Variants in POTEJ observed in about 807,000 individuals in gnomAD.
POTEJ encodes POTE ankyrin domain family, member J.
A neutral mutation model predicts 69.0 loss-of-function variants in POTEJ; 11 were observed. The ratio of observed to expected loss-of-function variants is 0.16; its 90% CI spans 0.10 to 0.26. POTEJ has a LOEUF of 0.26. Among genes scored for constraint, POTEJ ranks in the 10% least tolerant of loss-of-function variants. POTEJ has a pLI of 1.00. For missense variants in POTEJ, 327 were observed against 1,045.5 expected, an observed-to-expected ratio of 0.31 and a Z score of 9.48; for synonymous variants, 117 against 381.1, an observed-to-expected ratio of 0.31 and a Z score of 8.07.
At chr2:130,643,335 A>G (rs1686460639) in intron 10 of POTEJ, among the ~76,000 whole-genome samples, 1 of 131,092 alleles carries the variant, frequency 7.6e-6, no homozygotes, top group Non-Finnish European at 1.7e-5. Context: ...ATCCTGTCCA[A>G]TGGTGAAACC....
Position 130,636,069 on chromosome 2 carries a change from A to G in POTEJ, c.1299-2550A>G, listed in dbSNP as rs562352739. On this transcript the variant is annotated intron_variant, in intron 9 of 14. Coordinates refer to ENST00000409602, the MANE Select transcript of POTEJ (RefSeq NM_001277083.2). ...GCTTCAGCCACACTGAATTCTTGCC[A>G]TCCTGTATCTACCCCTAGTGCTTAA... Among the ~76,000 whole-genome samples the G allele has an allele frequency of 6.2e-3, 887 of 143,704 alleles. 14 individuals carry two copies. Among genetic ancestry groups the G allele is most frequent in the South Asian group, 0.023 (111 of 4,768 alleles). The allele number at this position is 143,704 out of a possible 152,430, so 94.3% of individuals were successfully genotyped here. A position where few individuals can be genotyped will look rare whatever the true frequency, so the allele number is the denominator to read the frequency against.
At chr2:130,655,447 C>T (rs1240707985) in intron 14 of POTEJ, among the ~76,000 whole-genome samples, 1 of 152,258 alleles carries the variant, frequency 6.6e-6, no homozygotes, top group Non-Finnish European at 1.5e-5. Flanking sequence ...GGGTCAGAGG[C>T]CACATTGTGG....
Position 130,624,136 on chromosome 2 carries a change from T to G in POTEJ, c.1015+2T>G. 2 of 1,444,228 alleles carry G rather than the reference T, an allele frequency of 1.4e-6. No individual in the cohort carries two copies. The highest frequency in any genetic ancestry group is 1.9e-6 in the Non-Finnish European group (2 of 1,072,196). The allele number at this position is 1,444,228 out of a possible 1,614,324, so 89.5% of individuals were successfully genotyped here. A position where few individuals can be genotyped will look rare whatever the true frequency, so the allele number is the denominator to read the frequency against. On this transcript the variant is annotated splice_donor_variant, in intron 6 of 14. Transcript: ENST00000409602. LOFTEE classifies it high-confidence loss of function. ...TCTCTTCTGAAAACAGCAATCCAGGTAAGACTTGTGATAGTGAATTACTTT... is the reference window on the plus strand; with the variant it reads ...TCTCTTCTGAAAACAGCAATCCAGGGAAGACTTGTGATAGTGAATTACTTT...
intron 9 of POTEJ, among the ~76,000 whole-genome samples, chr2:130,637,641 C>G (rs200484192): frequency 6.6e-6 from 1 of 152,238 alleles, no homozygotes; most frequent in Non-Finnish European, 1.5e-5. Context: ...GACACCAGAG[C>G]CAAATAACGT....
At chr2:130,641,307 TAAGG>T in intron 10 of POTEJ, among the ~76,000 whole-genome samples, 1 of 152,132 alleles carries the variant, frequency 6.6e-6, no homozygotes, top group South Asian at 2.1e-4. Context: ...CAATGTATTA[TAAGG>T]TTTTCACCCG....
At position 130,613,223 on chromosome 2, in the gene POTEJ, C is replaced by A. The variant is rs1685277893; in HGVS notation, c.410+1281C>A. 8.3e-5 allele frequency among the ~76,000 whole-genome samples: 12 copies of A among 144,270 alleles called. No homozygotes were observed. In the South Asian group the frequency reaches 2.6e-3, roughly 31 times the overall value. 94.6% of individuals were successfully genotyped at this position (144,270 alleles called of 152,430 possible). A position where few individuals can be genotyped will look rare whatever the true frequency, so the allele number is the denominator to read the frequency against. On this transcript the variant is annotated intron_variant, in intron 1 of 14. Transcript: ENST00000409602. ...AAATATAAATGCCTATTTATATACGCAGATATATATACATATATATACATA... is the reference window on the plus strand; with the variant it reads ...AAATATAAATGCCTATTTATATACGAAGATATATATACATATATATACATA...
Position 130,657,519 on chromosome 2 carries a change from G to A in POTEJ, c.2759G>A (p.Cys920Tyr). 1 of 1,568,052 alleles carries A rather than the reference G, an allele frequency of 6.4e-7. No individual in the cohort carries two copies. The highest frequency in any genetic ancestry group is 1.8e-4 in the Middle Eastern group (1 of 5,546). Residue 920 changes from cysteine (C) to tyrosine (Y), a missense_variant, in exon 15 of 15, where the codon TGC (cysteine) becomes TAC (tyrosine). Transcript: ENST00000409602. The stretch of plus-strand genomic sequence containing the variant: ...ACCATCAGCAACGAGTGGTTCCGCT[G>A]CCCCGAGGCGCTCTTCCAGCCTTGC... ...VITISNEWFR[C>Y]PEALFQPCFL...
chr2:130,628,928 G>A (rs1261676100), intron 6 of POTEJ, among the ~76,000 whole-genome samples: 89 of 146,236 alleles, frequency 6.1e-4, no homozygotes, highest in Non-Finnish European at 1.5e-4. Flanking sequence ...TGAGACAGGA[G>A]AATCGCTTGA....
Position 130,656,503 on chromosome 2 carries a change from T to C in POTEJ, c.1789-46T>C, listed in dbSNP as rs1324762865. On this transcript the variant is annotated intron_variant, in intron 14 of 14. Transcript: ENST00000409602. ...TTGAATTTCAAAAGAAATCATGTTA[T>C]GTCAATCTATTGAGTGCTAACTAAA... 5 of 1,576,572 alleles carry C rather than the reference T, an allele frequency of 3.2e-6. No individual in the cohort carries two copies. The Admixed American group carries it at 7.2e-5, about 23-fold the overall frequency.
intron 9 of POTEJ, among the ~76,000 whole-genome samples, chr2:130,637,439 C>T (rs1398231320): frequency 4.3e-4 from 64 of 149,660 alleles, no homozygotes; most frequent in African/African-American, 1.4e-3. Context: ...TCCCAAGGAG[C>T]TGGCCCTCGC....
Position 130,657,437 on chromosome 2 carries a change from G to A in POTEJ, c.2677G>A (p.Val893Met), listed in dbSNP as rs781188735. ...GGACTTCGAGCAGGAGATGGCCATG[G>A]TGGCCTCCAGCTCCTCCCTAGAGAA... is the stretch of plus-strand genomic sequence containing the variant. ...ALDFEQEMAM[V>M]ASSSSLEKSY... Residue 893 changes from valine to methionine, a missense_variant, in exon 15 of 15, where the codon GTG (valine) becomes ATG (methionine). Physicochemically the swap from Val to Met is conservative, Grantham distance 21 (BLOSUM62 1). Coordinates refer to ENST00000409602, the MANE Select transcript of POTEJ (RefSeq NM_001277083.2). 1.3e-6 allele frequency: 2 copies of A among 1,599,766 alleles called. No homozygotes were observed. Among genetic ancestry groups the A allele is most frequent in the African/African-American group, 1.4e-5 (1 of 70,332 alleles).
intron 9 of POTEJ, among the ~76,000 whole-genome samples, chr2:130,637,521 G>C (rs2105233517): frequency 6.6e-6 from 1 of 151,860 alleles, no homozygotes; most frequent in East Asian, 1.9e-4. Context: ...TTGACTGTTT[G>C]CTGAGTAGCT....
intron 13 of POTEJ, among the ~76,000 whole-genome samples, chr2:130,647,264 G>C (rs1329446402): frequency 6.6e-6 from 1 of 151,102 alleles, no homozygotes; most frequent in African/African-American, 2.5e-5. Flanking sequence ...CTGCTGTGTT[G>C]CAAATGGAAG....
intron 9 of POTEJ, among the ~76,000 whole-genome samples, chr2:130,634,098 A>G (rs1232303505): frequency 4.6e-5 from 7 of 152,196 alleles, no homozygotes; most frequent in East Asian, 1.9e-4. Flanking sequence ...TGGACTGTAA[A>G]GTGAATAAGC....
At chr2:130,640,665 A>G (rs1476940128) in intron 10 of POTEJ, among the ~76,000 whole-genome samples, 2 of 151,562 alleles carry the variant, frequency 1.3e-5, no homozygotes, top group East Asian at 3.8e-4. Flanking sequence ...TTAAACAGGG[A>G]GGAAACTTAG....
chr2:130,629,110 AG>A (rs1685815401), intron 6 of POTEJ, among the ~76,000 whole-genome samples: 2 of 152,080 alleles, frequency 1.3e-5, no homozygotes, highest in South Asian at 2.1e-4. Flanking sequence ...ACACTAATAA[AG>A]GTGTCAGTAG....
rs543111214 is a variant in POTEJ, at chr2:130,655,547, C to T, written c.1788+506C>T. Among the ~76,000 whole-genome samples, 28 of 152,350 alleles carry T rather than the reference C, an allele frequency of 1.8e-4. No homozygotes were observed. The South Asian group carries it at 2.9e-3, about 16-fold the overall frequency. On this transcript the variant is annotated intron_variant, in intron 14 of 14. Coordinates refer to ENST00000409602, the MANE Select transcript of POTEJ (RefSeq NM_001277083.2). ...AAAGAGGTTTGAAAACAATGACATG[C>T]CATGATACACATTTAGTAATAATTT...
chr2:130,643,178 A>T (rs1686454917), intron 10 of POTEJ, among the ~76,000 whole-genome samples: 1 of 146,152 alleles, frequency 6.8e-6, no homozygotes, highest in South Asian at 2.1e-4. Context: ...GGAAGGAGGT[A>T]CCTGTTTATC....
rs1252402684 is a variant in POTEJ, at chr2:130,629,504, G to A, written c.1016-445G>A. On this transcript the variant is annotated intron_variant, in intron 6 of 14. Transcript: ENST00000409602. ...GGGATGTCTGGAGCCCATACCTGTG[G>A]GCTCTGGCTTTTCAGGCAGGGTCAC... Among the ~76,000 whole-genome samples, 2 of 140,150 alleles carry A rather than the reference G, an allele frequency of 1.4e-5. 1 individual carries two copies. Among genetic ancestry groups the A allele is most frequent in the Non-Finnish European group, 3.0e-5 (2 of 65,796 alleles). 91.9% of individuals were successfully genotyped at this position (140,150 alleles called of 152,430 possible).
Sources: gnomAD v4.1 joint callset for allele counts (sites outside exome capture counted in the v4.1 genomes callset) on GRCh38, gnomAD v4.1.1 for gene constraint, MANE v1.5 for transcripts, NCBI Gene and HGNC (gene_info 2026-07-23, HGNC 2026-07-21) for gene names.